Variants in COL22A1 observed in about 807,000 individuals in gnomAD.
The protein encoded by COL22A1 is collagen type XXII alpha 1 chain.
In COL22A1, 221 loss-of-function variants were observed where a neutral mutation model predicts 248.9. That is an observed-to-expected ratio of 0.89 (90% CI 0.80 to 0.99). COL22A1 has a LOEUF of 0.99. COL22A1 is among the 50% of genes least tolerant of loss of function. COL22A1 has a pLI of 0.00. For missense variants in COL22A1, 2,240 were observed against 2,179.0 expected (o/e 1.03, Z -0.56); for synonymous variants, 891 against 793.4 (o/e 1.12, Z -2.07).
At chr8:138,897,020 T>C (rs1237465624) in intron 1 of COL22A1, among the ~76,000 whole-genome samples, 2 of 151,870 alleles carry the variant, frequency 1.3e-5, no homozygotes, top group African/African-American at 4.8e-5. Flanking sequence ...GTGAGTTACA[T>C]AGGTAACCTC....
intron 6 of COL22A1, chr8:138,825,920 A>G (rs955967617): frequency 2.6e-5 from 4 of 152,336 alleles, no homozygotes; most frequent in Admixed American, 1.3e-4. Context: ...AAACCAACAG[A>G]TGGTGTTGAT....
intron 4 of COL22A1, among the ~76,000 whole-genome samples, chr8:138,839,691 C>A (rs915568056): frequency 1.3e-5 from 2 of 152,100 alleles, no homozygotes; most frequent in African/African-American, 4.8e-5. Flanking sequence ...GTATCATGGG[C>A]AGGACTTGGT....
At chr8:138,709,022 C>G (rs1299097944) in intron 30 of COL22A1, among the ~76,000 whole-genome samples, 4 of 152,136 alleles carry the variant, frequency 2.6e-5, no homozygotes, top group Non-Finnish European at 5.9e-5. Flanking sequence ...ATGCAGCCAA[C>G]AGACACATGA....
At chr8:138,734,828 AT>A (rs1157303452) in intron 23 of COL22A1, among the ~76,000 whole-genome samples, 1 of 152,254 alleles carries the variant, frequency 6.6e-6, no homozygotes, top group African/African-American at 2.4e-5. Flanking sequence ...ATGGAAAACT[AT>A]GCAGCCATAA....
intron 59 of COL22A1, among the ~76,000 whole-genome samples, chr8:138,603,193 A>T (rs571801120): frequency 6.6e-6 from 1 of 152,358 alleles, no homozygotes; most frequent in East Asian, 1.9e-4. Context: ...CAGAGGACAG[A>T]GATAAGACAT....
intron 27 of COL22A1, among the ~76,000 whole-genome samples, chr8:138,720,120 C>A (rs1349955967): frequency 1.3e-5 from 2 of 152,162 alleles, no homozygotes; most frequent in Non-Finnish European, 2.9e-5. Context: ...GGGCTCTCCA[C>A]TCACAGGGGC....
intron 32 of COL22A1, among the ~76,000 whole-genome samples, chr8:138,698,574 T>C (rs1254208442): frequency 6.6e-6 from 1 of 152,206 alleles, no homozygotes; most frequent in African/African-American, 2.4e-5. Flanking sequence ...GAGTTCCTCA[T>C]GCAGTGAGCG....
chr8:138,755,746 C>T (rs774310907), intron 19 of COL22A1, 39 bp downstream of exon 19: 8 of 1,608,928 alleles, frequency 5.0e-6, no homozygotes, highest in South Asian at 1.1e-5. Flanking sequence ...CCAATCCCAC[C>T]AGCACCTGCA....
In COL22A1 at chr8:138,802,942, G is replaced by A. The variant is rs755268851; in HGVS notation, c.1495-8C>T. ...AATGGCTCCTATGTCTCCCTGAGGG[G>A]TTGAGACCAGAGACAAGCATCAGAT... On this transcript the variant is annotated splice_region_variant and splice_polypyrimidine_tract_variant and intron_variant, in intron 10 of 64. Transcript: ENST00000303045. 1 of 1,611,356 alleles carries A rather than the reference G, an allele frequency of 6.2e-7. No homozygotes were observed. Among genetic ancestry groups the A allele is most frequent in the Non-Finnish European group, 8.5e-7 (1 of 1,177,478 alleles).
intron 29 of COL22A1, among the ~76,000 whole-genome samples, 173 bp from the exon 30 acceptor site, chr8:138,715,908 A>C (rs913932992): frequency 6.6e-6 from 1 of 152,004 alleles, no homozygotes; most frequent in Non-Finnish European, 1.5e-5. Context: ...CTCAGAGGGG[A>C]ACTAGTCAGT....
chr8:138,764,160 G>T (rs1340212993), intron 16 of COL22A1, among the ~76,000 whole-genome samples: 1 of 152,156 alleles, frequency 6.6e-6, no homozygotes, highest in Non-Finnish European at 1.5e-5. Context: ...TCAGCTCATG[G>T]CTGCTGTGCT....
intron 9 of COL22A1, among the ~76,000 whole-genome samples, chr8:138,808,383 C>A (rs1179540712): frequency 6.6e-6 from 1 of 152,110 alleles, no homozygotes; most frequent in Non-Finnish European, 1.5e-5. Flanking sequence ...AATTAAAAAA[C>A]CCAAAGGGGT....
At chr8:138,689,105 T>TATTTAAATAA in intron 36 of COL22A1, 135 bp from the exon 37 acceptor site, 1 of 698,572 alleles carries the variant, frequency 1.4e-6, no homozygotes, top group Non-Finnish European at 2.5e-6. Flanking sequence ...TCCCATACTT[T>TATTTAAATAA]ATTTAAATTC....
At chr8:138,651,391 T>C (rs1822724790) in intron 45 of COL22A1, among the ~76,000 whole-genome samples, 1 of 152,196 alleles carries the variant, frequency 6.6e-6, no homozygotes, top group Non-Finnish European at 1.5e-5. Flanking sequence ...GTGCTATAAA[T>C]GAATGAATCA....
intron 1 of COL22A1, among the ~76,000 whole-genome samples, chr8:138,891,453 A>T (rs1736532744): frequency 6.6e-6 from 1 of 152,210 alleles, no homozygotes; most frequent in African/African-American, 2.4e-5. Context: ...CCAGCACTAA[A>T]CCATTAACAT....
At position 138,821,095 on chromosome 8, in the gene COL22A1, T is replaced by A. The variant is rs533664481; in HGVS notation, c.1245+41A>T. 30 of 1,600,386 alleles carry A rather than the reference T, an allele frequency of 1.9e-5. No individual in the cohort carries two copies. In the South Asian group the frequency reaches 3.1e-4, roughly 17 times the overall value. ...CTTAGCTCCCAAGGCTTCTCCCCGG[T>A]GGCCTGGAACCTGGGCTGCAGAAGG... On this transcript the variant is annotated intron_variant, in intron 7 of 64. Transcript: ENST00000303045.
chr8:138,605,702 G>T (rs1200718136), intron 58 of COL22A1, among the ~76,000 whole-genome samples: 2 of 152,138 alleles, frequency 1.3e-5, no homozygotes, highest in Admixed American at 6.5e-5. Context: ...CCAGGGAGTG[G>T]ACTGCAATAT....
At chr8:138,709,099 C>T (rs943801134) in intron 30 of COL22A1, among the ~76,000 whole-genome samples, 3 of 152,182 alleles carry the variant, frequency 2.0e-5, no homozygotes, top group Admixed American at 6.5e-5. Context: ...TACCATCTCA[C>T]ACCAGTTAGA....
chr8:138,694,403 C>A, intron 34 of COL22A1, 105 bp downstream of exon 34: 2 of 1,201,180 alleles, frequency 1.7e-6, no homozygotes, highest in Non-Finnish European at 2.5e-6. Context: ...AGCGTCTACT[C>A]CCAAAATGCC....
Sources: allele counts gnomAD v4.1 joint callset (sites outside exome capture counted in the v4.1 genomes callset), GRCh38; gene constraint gnomAD v4.1.1; transcripts MANE v1.5; gene names NCBI Gene and HGNC (gene_info 2026-07-23, HGNC 2026-07-21).